BCOR: variants seen among roughly 807,000 people sequenced by gnomAD.
BCOR encodes BCL-6 corepressor.
In BCOR, 10 loss-of-function variants were observed where a neutral mutation model predicts 86.7. That is an observed-to-expected ratio of 0.12 (90% CI 0.07 to 0.20). The LOEUF is 0.20. BCOR is among the 10% of genes least tolerant of loss of function. The pLI is 1.00. For missense variants in BCOR, 1,259 were observed against 1,452.1 expected (o/e 0.87, Z 2.16); for synonymous variants, 611 against 609.0 (o/e 1.00, Z -0.05).
chrX:40,147,449 C>G (rs779302673), intron 1 of BCOR, among the ~76,000 whole-genome samples: 47 of 112,697 alleles, frequency 4.2e-4, no homozygotes, highest in African/African-American at 1.5e-3. Context: ...GGGGGACCGC[C>G]AAGCCCGGGA....
At chrX:40,057,658 C>G (rs1934665851) in intron 10 of BCOR, among the ~76,000 whole-genome samples, 1 of 112,092 alleles carries the variant, frequency 8.9e-6, no homozygotes, top group Admixed American at 9.4e-5. Flanking sequence ...GCCCTTAGCT[C>G]AGTGCCTGGC....
chrX:40,174,817 T>TCC (rs1938706796), intron 1 of BCOR, among the ~76,000 whole-genome samples: 1 of 113,103 alleles, frequency 8.8e-6, no homozygotes, highest in South Asian at 3.6e-4. Flanking sequence ...AGAGCAAGTT[T>TCC]CCTATCTACC....
intron 1 of BCOR, among the ~76,000 whole-genome samples, chrX:40,131,041 G>A (rs745526374): frequency 8.0e-4 from 90 of 111,938 alleles, no homozygotes; most frequent in African/African-American, 2.7e-3. Flanking sequence ...ACTCATGACC[G>A]TGAGACAGAA....
At chrX:40,064,807 A>G (rs1935120005) in intron 6 of BCOR, among the ~76,000 whole-genome samples, 1 of 111,840 alleles carries the variant, frequency 8.9e-6, no homozygotes, top group African/African-American at 3.3e-5. Context: ...ACGAGTGGCA[A>G]GTAAAGCAGA....
At chrX:40,159,080 G>C (rs778905346) in intron 1 of BCOR, among the ~76,000 whole-genome samples, 1 of 111,093 alleles carries the variant, frequency 9.0e-6, no homozygotes, top group Non-Finnish European at 1.9e-5. Context: ...AATCAGTTCG[G>C]GGGGGAGGGG....
chrX:40,072,814 C>T lies in BCOR; in HGVS notation c.2532G>A (p.Pro844=), dbSNP rs552163308. Residue 844 remains proline, a synonymous_variant, in exon 4 of 15, where the codon CCG becomes CCA. Coordinates refer to ENST00000378444, the MANE Select transcript of BCOR (RefSeq NM_001123385.2). ...SAEPPKPSVE[P]ALQQHRDFIA... ...TGAAATCACGGTGCTGCTGCAGGGC[C>T]GGCTCAACTGAGGGCTTGGGGGGCT... is the stretch of plus-strand genomic sequence containing the variant. 94 of 1,209,834 alleles carry T rather than the reference C, an allele frequency of 7.8e-5. 1 individual carries two copies. The South Asian group carries it at 1.3e-3, about 16-fold the overall frequency.
upstream of BCOR, among the ~76,000 whole-genome samples, chrX:40,102,627 C>T (rs1291066187): frequency 8.8e-6 from 1 of 113,812 alleles, no homozygotes; most frequent in Non-Finnish European, 1.9e-5. Context: ...GCCTTCGGAC[C>T]CAGTGTGCCG....
chrX:40,147,099 G>A (rs1201156099), intron 1 of BCOR, among the ~76,000 whole-genome samples: 5 of 107,347 alleles, frequency 4.7e-5, no homozygotes, highest in Non-Finnish European at 5.8e-5. Flanking sequence ...CCCAGCTTTT[G>A]GCGGCTAATC....
At chrX:40,075,317 GC>G in intron 3 of BCOR, 137 bp from the exon 4 acceptor site, 11 of 470,682 alleles carry the variant, frequency 2.3e-5, no homozygotes, top group East Asian at 9.6e-5. Flanking sequence ...TTCCGGCGGG[GC>G]GGGGGTGGGG....
At chrX:40,145,482 C>G (rs1938026485) in intron 1 of BCOR, among the ~76,000 whole-genome samples, 2 of 111,299 alleles carry the variant, frequency 1.8e-5, no homozygotes, top group African/African-American at 6.5e-5. Context: ...CTTAAAGATC[C>G]CAGGCCCACA....
intron 1 of BCOR, among the ~76,000 whole-genome samples, chrX:40,082,949 GGAACTTCAGCA>G (rs1936170841): frequency 9.0e-6 from 1 of 110,805 alleles, no homozygotes. Context: ...GAGCAGGGAG[GGAACTTCAGCA>G]GAACTGTGTA....
Position 40,095,158 on chromosome X carries a change from C to A in BCOR, c.-41+2057G>T, listed in dbSNP as rs989130611. 8.9e-5 allele frequency among the ~76,000 whole-genome samples: 10 copies of A among 111,812 alleles called. No individual in the cohort carries two copies. The East Asian group carries it at 2.5e-3, about 28-fold the overall frequency. ...TTAATCATCGCCTTCCCCCCCCACT[C>A]CGCTCTACGCGCTGAAACCCTGCCC... On this transcript the variant is annotated intron_variant, in intron 1 of 14. Transcript: ENST00000378444.
intron 1 of BCOR, among the ~76,000 whole-genome samples, chrX:40,112,928 T>C (rs1337613729): frequency 4.6e-5 from 5 of 107,796 alleles, no homozygotes; most frequent in Admixed American, 4.1e-4. Flanking sequence ...AGCAGAATCC[T>C]AGGGGGCCAT....
chrX:40,076,354 T>TC (rs1935805874), intron 3 of BCOR, 100 bp downstream of exon 3: 2 of 638,041 alleles, frequency 3.1e-6, no homozygotes, highest in Non-Finnish European at 5.0e-6. Flanking sequence ...CTGCCACCCC[T>TC]CCCCCATTCC....
Position 40,073,188 on chromosome X carries a change from G to A in BCOR, c.2158C>T (p.Leu720=), listed in dbSNP as rs778603555. The change falls in exon 4 of 15, where the codon CTG becomes TTG. Residue 720 remains leucine, a synonymous_variant. Transcript: ENST00000378444. ...ATGGGATGCACCATGCCCAACCCCA[G>A]GGCATCTTGGTAGGTCACAAACTCT... ...RPEFVTYQDA[L]GLGMVHPMLI... 1 of 1,212,263 alleles carries A rather than the reference G, an allele frequency of 8.2e-7. No homozygotes were observed. Among genetic ancestry groups the A allele is most frequent in the Non-Finnish European group, 1.1e-6 (1 of 895,613 alleles).
chrX:40,151,396 C>G (rs947482256), intron 1 of BCOR, among the ~76,000 whole-genome samples: 3 of 113,034 alleles, frequency 2.7e-5, no homozygotes, highest in African/African-American at 9.6e-5. Context: ...GAGCCCCTCC[C>G]TCCGGGACTG....
At chrX:40,102,791 G>A (rs998942407), upstream of BCOR, among the ~76,000 whole-genome samples, 1 of 113,409 alleles carries the variant, frequency 8.8e-6, no homozygotes, top group Admixed American at 9.2e-5. Context: ...GCAGGAAGGT[G>A]GGTACGGACC....
rs370882090 is a variant in BCOR, at chrX:40,064,226, G to A, written c.3502+110C>T. 3.9e-4 allele frequency: 431 copies of A among 1,098,443 alleles called. 5 individuals carry two copies. The East Asian group carries it at 6.6e-3, about 17-fold the overall frequency. 90.5% of individuals were successfully genotyped at this position (1,098,443 alleles called of 1,213,427 possible). ...TGCGCCCCCACGGCTTCCCCTCACC[G>A]ACTCTGTCTACGGGGGCAGCGCGCC... is the stretch of plus-strand genomic sequence containing the variant. On this transcript the variant is annotated intron_variant, in intron 7 of 14. Coordinates refer to ENST00000378444, the MANE Select transcript of BCOR (RefSeq NM_001123385.2).
chrX:40,088,120 G>C (rs776610312), intron 1 of BCOR, among the ~76,000 whole-genome samples: 5 of 112,001 alleles, frequency 4.5e-5, no homozygotes, highest in Non-Finnish European at 9.4e-5. Flanking sequence ...CAGCCTCGGT[G>C]GCTGGACAAA....
Sources: gnomAD v4.1 joint callset for allele counts (sites outside exome capture counted in the v4.1 genomes callset) on GRCh38, gnomAD v4.1.1 for gene constraint, MANE v1.5 for transcripts, NCBI Gene and HGNC (gene_info 2026-07-23, HGNC 2026-07-21) for gene names.